NIM1K: variants seen among roughly 807,000 people sequenced by gnomAD.
NIM1K encodes serine/threonine-protein kinase NIM1.
Under a neutral mutation model 37.1 loss-of-function variants are expected in NIM1K, and 35 were observed. The ratio of observed to expected loss-of-function variants is 0.94; its 90% confidence interval spans 0.72 to 1.25. NIM1K has a LOEUF of 1.25. Among genes scored for constraint, NIM1K ranks in the 50% most tolerant of loss-of-function variants. NIM1K has a pLI of 0.00. For missense variants in NIM1K, 564 were observed against 548.0 expected (o/e 1.03, Z -0.29); for synonymous variants, 234 against 206.6 (o/e 1.13, Z -1.14).
At chr5:43,198,207 C>CTCTCTCTCTCTT (rs1751957390) in intron 1 of NIM1K, among the ~76,000 whole-genome samples, 3 of 48,872 alleles carry the variant, frequency 6.1e-5, no homozygotes, top group Non-Finnish European at 8.1e-5. Flanking sequence ...TTCTTTCTTT[C>CTCTCTCTCTCTT]TCTTTCTTTC....
chr5:43,219,320 AGTCT>A (rs768612359), intron 1 of NIM1K, among the ~76,000 whole-genome samples: 5 of 152,170 alleles, frequency 3.3e-5, no homozygotes, highest in Non-Finnish European at 7.3e-5. Context: ...ACTACTCAGT[AGTCT>A]TTATTAGGAG....
chr5:43,223,365 A>G (rs1394527151), intron 1 of NIM1K, among the ~76,000 whole-genome samples: 1 of 152,198 alleles, frequency 6.6e-6, no homozygotes, highest in Non-Finnish European at 1.5e-5. Context: ...TAAGGATTAA[A>G]TAGTTAATAC....
intron 1 of NIM1K, among the ~76,000 whole-genome samples, chr5:43,214,581 C>T (rs144486958): frequency 2.6e-5 from 4 of 151,154 alleles, no homozygotes; most frequent in African/African-American, 9.7e-5. Context: ...TTTGGGAGGC[C>T]GAAGCGGGCG....
chr5:43,238,037 TA>T (rs1752645254), intron 1 of NIM1K, among the ~76,000 whole-genome samples: 2 of 147,574 alleles, frequency 1.4e-5, no homozygotes, highest in African/African-American at 2.5e-5. Flanking sequence ...TTCTTCAATT[TA>T]ATTTTTTTTT....
chr5:43,259,559 TG>T (rs1752997577), intron 2 of NIM1K, among the ~76,000 whole-genome samples: 1 of 152,260 alleles, frequency 6.6e-6, no homozygotes, highest in African/African-American at 2.4e-5. Flanking sequence ...TCCATATGTT[TG>T]TTGGCCATTT....
At chr5:43,242,413 C>A (rs1178089291) in intron 1 of NIM1K, among the ~76,000 whole-genome samples, 4 of 151,354 alleles carry the variant, frequency 2.6e-5, no homozygotes, top group Non-Finnish European at 4.4e-5. Flanking sequence ...AGGCAGGAGG[C>A]CTGGTGCCTG....
At chr5:43,205,806 G>A (rs906307847) in intron 1 of NIM1K, among the ~76,000 whole-genome samples, 10 of 152,044 alleles carry the variant, frequency 6.6e-5, no homozygotes, top group East Asian at 5.8e-4. Flanking sequence ...TCCACCTCCC[G>A]GGTTCACGCC....
chr5:43,212,647 C>T (rs942604187), intron 1 of NIM1K, among the ~76,000 whole-genome samples: 3 of 152,182 alleles, frequency 2.0e-5, no homozygotes, highest in African/African-American at 7.2e-5. Flanking sequence ...CCCTCAGTCA[C>T]TCTGGGACTG....
Position 43,280,761 on chromosome 5 carries a change from T to C in NIM1K, c.*32T>C, listed in dbSNP as rs1410091203. The C allele has an allele frequency of 6.6e-7, 1 of 1,505,602 alleles. No individual in the cohort carries two copies. Among genetic ancestry groups the C allele is most frequent in the South Asian group, 1.4e-5 (1 of 70,488 alleles). 93.3% of individuals were successfully genotyped at this position (1,505,602 alleles called of 1,614,324 possible). On this transcript the variant is annotated 3_prime_UTR_variant, in exon 4 of 4. Coordinates refer to ENST00000326035, the MANE Select transcript of NIM1K (RefSeq NM_153361.4). ...CTAGACTGCTTGTAACTAACCAAGA[T>C]GATTGTTGCTGCTTCTAAATTTTTT...
chr5:43,275,440 G>GT (rs1753323772), intron 2 of NIM1K, among the ~76,000 whole-genome samples: 1 of 152,148 alleles, frequency 6.6e-6, no homozygotes, highest in African/African-American at 2.4e-5. Flanking sequence ...AAATGGTTGG[G>GT]TCCCAGGGTG....
chr5:43,261,727 G>GT (rs1279250806), intron 2 of NIM1K, among the ~76,000 whole-genome samples: 9 of 152,070 alleles, frequency 5.9e-5, no homozygotes, highest in Admixed American at 5.9e-4. Context: ...TTCTTCTAGG[G>GT]TTTTTATAGT....
intron 2 of NIM1K, among the ~76,000 whole-genome samples, chr5:43,269,928 G>T (rs1017064355): frequency 1.3e-5 from 2 of 152,202 alleles, no homozygotes; most frequent in East Asian, 3.9e-4. Flanking sequence ...ATGTGTGTGT[G>T]TTATTGTTTT....
intron 1 of NIM1K, among the ~76,000 whole-genome samples, chr5:43,223,748 T>C (rs1161844105): frequency 6.6e-6 from 1 of 152,192 alleles, no homozygotes; most frequent in Non-Finnish European, 1.5e-5. Context: ...TTTGAGCCCC[T>C]AGATGGATAA....
chr5:43,239,941 G>A (rs1351517096), intron 1 of NIM1K, among the ~76,000 whole-genome samples: 2 of 152,056 alleles, frequency 1.3e-5, no homozygotes, highest in African/African-American at 2.4e-5. Flanking sequence ...TATTTTAAAA[G>A]CAATCCATTA....
chr5:43,254,357 G>T (rs1752910290), intron 2 of NIM1K, among the ~76,000 whole-genome samples: 1 of 152,196 alleles, frequency 6.6e-6, no homozygotes, highest in African/African-American at 2.4e-5. Context: ...TTCATGAAAT[G>T]AATGGGTCTA....
At chr5:43,266,756 CT>C (rs1417712834) in intron 2 of NIM1K, among the ~76,000 whole-genome samples, 7 of 152,202 alleles carry the variant, frequency 4.6e-5, no homozygotes, top group Admixed American at 4.6e-4. Context: ...AACCTCCCCC[CT>C]GACTTGCGTA....
chr5:43,266,592 A>T (rs1304127843), intron 2 of NIM1K, among the ~76,000 whole-genome samples: 1 of 152,176 alleles, frequency 6.6e-6, no homozygotes, highest in Non-Finnish European at 1.5e-5. Flanking sequence ...GCCCTGCCCT[A>T]GTTCAGCTCA....
rs796884630 is a variant in NIM1K, at chr5:43,204,133, G to T, written c.-695+11722G>T. On this transcript the variant is annotated intron_variant, in intron 1 of 3. Transcript: ENST00000326035. The stretch of plus-strand genomic sequence containing the variant: ...GGAGTCTCACTCTGTGGCCCAGGCT[G>T]GAGTGCAGTGGCTCGATCTCAGCTC... Among the ~76,000 whole-genome samples the T allele has an allele frequency of 7.0e-5, 8 of 114,268 alleles. No individual in the cohort carries two copies. The South Asian group carries it at 2.5e-3, about 36-fold the overall frequency. 75.0% of individuals were successfully genotyped at this position (114,268 alleles called of 152,430 possible).
chr5:43,206,532 G>A (rs1752114526), intron 1 of NIM1K, among the ~76,000 whole-genome samples: 1 of 151,516 alleles, frequency 6.6e-6, no homozygotes, highest in East Asian at 1.9e-4. Flanking sequence ...TAGGTTGGGG[G>A]AGAAAAAAAG....
Sources: gnomAD v4.1 joint callset for allele counts (sites outside exome capture counted in the v4.1 genomes callset) on GRCh38, gnomAD v4.1.1 for gene constraint, MANE v1.5 for transcripts, NCBI Gene and HGNC (gene_info 2026-07-23, HGNC 2026-07-21) for gene names.